Variants in ADGRL2 observed in about 807,000 individuals in gnomAD.
ADGRL2 encodes the protein calcium-independent alpha-latrotoxin receptor 2.
ADGRL2 carries 44 observed loss-of-function variants against 157.4 expected under a neutral mutation model. That is an observed-to-expected ratio of 0.28 (90% confidence interval 0.22 to 0.36). ADGRL2 has a LOEUF of 0.36. ADGRL2 is among the 10% of genes least tolerant of loss of function. ADGRL2 has a pLI of 1.00. For synonymous variants in ADGRL2, 585 were observed against 624.7 expected (o/e 0.94, Z 0.95); for missense variants, 1,510 against 1,768.9 (o/e 0.85, Z 2.63).
At chr1:81,818,491 G>T (rs756055807) in intron 1 of ADGRL2, among the ~76,000 whole-genome samples, 4 of 152,100 alleles carry the variant, frequency 2.6e-5, no homozygotes, top group Non-Finnish European at 5.9e-5. Context: ...CAAAAAATAC[G>T]CATTTGCTTG....
intron 2 of ADGRL2, among the ~76,000 whole-genome samples, chr1:81,847,419 T>C (rs2092835109): frequency 6.6e-6 from 1 of 151,880 alleles, no homozygotes; most frequent in Non-Finnish European, 1.5e-5. Flanking sequence ...AAATGTTTGG[T>C]CTAGAAAATG....
intron 1 of ADGRL2, among the ~76,000 whole-genome samples, chr1:81,402,881 C>T (rs1283705803): frequency 4.6e-5 from 7 of 152,150 alleles, no homozygotes; most frequent in South Asian, 2.1e-4. Flanking sequence ...AGGCAAACAT[C>T]GACTGTGCAG....
At chr1:81,711,852 A>T (rs964957019) in intron 1 of ADGRL2, among the ~76,000 whole-genome samples, 18 of 152,338 alleles carry the variant, frequency 1.2e-4, no homozygotes, top group Admixed American at 1.2e-3. Flanking sequence ...TCACTTTGGG[A>T]ACCTACTCTA....
chr1:81,648,562 T>A (rs111586813), intron 3 of ADGRL2, among the ~76,000 whole-genome samples: 1,857 of 152,264 alleles, frequency 0.012, 29 homozygotes, highest in African/African-American at 0.04. Context: ...CATGGTTAAT[T>A]ACAGTTAAAA....
Position 81,547,156 on chromosome 1 carries a change from C to T in ADGRL2, c.-247-33720C>T, listed in dbSNP as rs560418433. On this transcript the variant is annotated intron_variant, in intron 2 of 24. Coordinates refer to the ADGRL2 transcript ENST00000370721. ...TACTTTCAGCCAGATGCCCCTGGTTCGTTTCACAGGACACTCAGAAAAGCT... is the reference window on the plus strand; with the variant it reads ...TACTTTCAGCCAGATGCCCCTGGTTTGTTTCACAGGACACTCAGAAAAGCT... 3.9e-5 allele frequency among the ~76,000 whole-genome samples: 6 copies of T among 152,278 alleles called. No individual in the cohort carries two copies. The East Asian group carries it at 1.2e-3, about 29-fold the overall frequency.
intron 2 of ADGRL2, among the ~76,000 whole-genome samples, chr1:81,901,690 A>G (rs2094490862): frequency 6.6e-6 from 1 of 152,020 alleles, no homozygotes; most frequent in Non-Finnish European, 1.5e-5. Flanking sequence ...TATGTCTTTT[A>G]TAAGATTTAT....
At chr1:81,454,622 G>A (rs1282408468) in intron 2 of ADGRL2, among the ~76,000 whole-genome samples, 2 of 152,098 alleles carry the variant, frequency 1.3e-5, no homozygotes, top group Non-Finnish European at 2.9e-5. Flanking sequence ...GAATCAGCCA[G>A]GAAAAATTTA....
chr1:81,353,508 AT>A (rs1165335081), intron 1 of ADGRL2, among the ~76,000 whole-genome samples: 2 of 152,150 alleles, frequency 1.3e-5, no homozygotes, highest in African/African-American at 2.4e-5. Flanking sequence ...GCAAATGAGA[AT>A]TTCAGGGATG....
intron 2 of ADGRL2, among the ~76,000 whole-genome samples, chr1:81,882,841 A>G (rs1028921588): frequency 2.0e-5 from 3 of 152,168 alleles, no homozygotes; most frequent in Non-Finnish European, 4.4e-5. Flanking sequence ...TGTCACGTAT[A>G]TGTTTGAAGA....
chr1:81,859,032 T>G (rs2093303464), intron 2 of ADGRL2, among the ~76,000 whole-genome samples: 1 of 151,908 alleles, frequency 6.6e-6, no homozygotes, highest in South Asian at 2.1e-4. Flanking sequence ...TGTTTAGAAT[T>G]TATTTAAGTA....
intron 2 of ADGRL2, among the ~76,000 whole-genome samples, chr1:81,453,426 T>C (rs1022559171): frequency 6.6e-6 from 1 of 152,116 alleles, no homozygotes; most frequent in African/African-American, 2.4e-5. Flanking sequence ...GTTAAGGACT[T>C]AATATGCAGT....
chr1:81,854,078 T>G (rs1404530577), intron 2 of ADGRL2, among the ~76,000 whole-genome samples: 1 of 152,178 alleles, frequency 6.6e-6, no homozygotes, highest in African/African-American at 2.4e-5. Flanking sequence ...CTTAATAAAT[T>G]TTCCAATGTA....
intron 2 of ADGRL2, among the ~76,000 whole-genome samples, chr1:81,839,803 T>TACACACAACACACACATCACAG (rs2092464793): frequency 6.8e-6 from 1 of 146,294 alleles, no homozygotes; most frequent in Non-Finnish European, 1.5e-5. Flanking sequence ...ATATATATAT[T>TACACACAACACACACATCACAG]TTCCATCATA....
rs187450599 is a variant in ADGRL2, at chr1:81,844,915, T to C, written c.73+7858T>C. ...TTATTTTTCTTAAAAGTGTTTTTTT[T>C]CTTCTGATTTTGAATGTATATATCT... On this transcript the variant is annotated intron_variant, in intron 2 of 23. Transcript: ENST00000686636. Among the ~76,000 whole-genome samples, 92 of 152,242 alleles carry C rather than the reference T, an allele frequency of 6.0e-4. 2 individuals are homozygous for C. In the South Asian group the frequency reaches 0.013, roughly 22 times the overall value.
At chr1:81,550,553 A>T (rs1015826414) in intron 2 of ADGRL2, among the ~76,000 whole-genome samples, 5 of 152,184 alleles carry the variant, frequency 3.3e-5, no homozygotes, top group African/African-American at 1.2e-4. Flanking sequence ...AAAGCAAAAT[A>T]AAGACAATTT....
At chr1:81,344,214 G>A (rs915343743) in intron 1 of ADGRL2, among the ~76,000 whole-genome samples, 10 of 152,044 alleles carry the variant, frequency 6.6e-5, no homozygotes, top group Admixed American at 2.6e-4. Context: ...GATTACAGGC[G>A]CAACGTCACC....
Position 81,970,426 on chromosome 1 carries a change from G to A in ADGRL2, c.2846G>A (p.Ser949Asn), listed in dbSNP as rs1329256798. 7 of 1,560,568 alleles carry A rather than the reference G, an allele frequency of 4.5e-6. No homozygotes were observed. The highest frequency in any genetic ancestry group is 5.2e-6 in the Non-Finnish European group (6 of 1,159,698). ...LYLMLVEVFE[S>N]EYSRKKYYYV... ...CTAATGTTAGTTGAAGTTTTTGAAA[G>A]TGAATATTCAAGGAAAAAATATTAC... The change falls in exon 16 of 24, where the codon AGT becomes AAT. Residue 949 changes from serine (S) to asparagine (N), a missense_variant. Transcript: ENST00000686636.
intron 2 of ADGRL2, among the ~76,000 whole-genome samples, chr1:81,475,308 C>T (rs970200473): frequency 1.4e-4 from 22 of 152,098 alleles, no homozygotes; most frequent in African/African-American, 5.3e-4. Context: ...AAGATGCATG[C>T]ATAATCAGCT....
intron 2 of ADGRL2, among the ~76,000 whole-genome samples, chr1:81,560,138 G>T (rs7522408): frequency 6.6e-6 from 1 of 152,138 alleles, no homozygotes; most frequent in African/African-American, 2.4e-5. Context: ...ACAGTAGGAT[G>T]TTAATAAATG....
Sources: allele counts gnomAD v4.1 joint callset (sites outside exome capture counted in the v4.1 genomes callset), GRCh38; gene constraint gnomAD v4.1.1; transcripts MANE v1.5; gene names NCBI Gene and HGNC (gene_info 2026-07-23, HGNC 2026-07-21).